Variants in ADAM32 observed in about 807,000 individuals in gnomAD.
ADAM32 encodes ADAM metallopeptidase domain 32.
ADAM32 carries 89 observed loss-of-function variants against 114.9 expected under a neutral mutation model. The ratio of observed to expected loss-of-function variants is 0.77; its 90% CI spans 0.65 to 0.92. ADAM32 has a LOEUF of 0.92. Among genes scored for constraint, ADAM32 ranks in the 40% least tolerant of loss-of-function variants. ADAM32 has a pLI of 0.00. For missense variants in ADAM32, 870 were observed against 932.8 expected, an observed-to-expected ratio of 0.93 and a Z score of 0.88; for synonymous variants, 285 against 307.5, an observed-to-expected ratio of 0.93 and a Z score of 0.77.
chr8:39,204,741 A>G (rs1807704611), intron 11 of ADAM32, among the ~76,000 whole-genome samples: 1 of 152,058 alleles, frequency 6.6e-6, no homozygotes, highest in Non-Finnish European at 1.5e-5. Context: ...GCTCTGTTTT[A>G]TCCCCATCTT....
In ADAM32 at chr8:39,123,579, G is replaced by A. The variant is rs565782122; in HGVS notation, c.138+5414G>A. Among the ~76,000 whole-genome samples, 7 of 152,038 alleles carry A rather than the reference G, an allele frequency of 4.6e-5. No individual in the cohort carries two copies. The East Asian group carries it at 1.4e-3, about 29-fold the overall frequency. Reference sequence around the variant, plus strand: ...TTTTGATAGAGATTACATTTAATATGTATCGATTAATTTGGGAGAATTGCT... The same window carrying A: ...TTTTGATAGAGATTACATTTAATATATATCGATTAATTTGGGAGAATTGCT... On this transcript the variant is annotated intron_variant, in intron 2 of 24. Coordinates refer to ENST00000379907, the MANE Select transcript of ADAM32 (RefSeq NM_145004.7).
chr8:39,127,692 A>G (rs1156736112), intron 2 of ADAM32, among the ~76,000 whole-genome samples: 2 of 151,464 alleles, frequency 1.3e-5, no homozygotes, highest in Middle Eastern at 3.2e-3. Flanking sequence ...TTCTGCCCTG[A>G]TTTTGGTTAT....
At chr8:39,109,483 G>A (rs1588451961) in intron 1 of ADAM32, among the ~76,000 whole-genome samples, 1 of 152,234 alleles carries the variant, frequency 6.6e-6, no homozygotes, top group South Asian at 2.1e-4. Context: ...GGAGGCAGGA[G>A]TTGCAGTGAG....
intron 19 of ADAM32, among the ~76,000 whole-genome samples, chr8:39,258,816 A>G (rs1340849621): frequency 6.6e-6 from 1 of 152,116 alleles, no homozygotes; most frequent in Non-Finnish European, 1.5e-5. Flanking sequence ...TGATTGTTGA[A>G]ATTTTCGCTT....
chr8:39,219,394 A>G (rs528459507), intron 12 of ADAM32, among the ~76,000 whole-genome samples: 25 of 152,178 alleles, frequency 1.6e-4, no homozygotes, highest in Non-Finnish European at 3.2e-4. Flanking sequence ...AGAGTACTCC[A>G]GCCCATGGTG....
Position 39,223,285 on chromosome 8 carries a change from A to G in ADAM32, c.1525+47A>G, listed in dbSNP as rs2129448876. On this transcript the variant is annotated intron_variant, in intron 14 of 24. Transcript: ENST00000379907. ...TCAATAGCCCTTAACATTGTTATTAACATTACCAGGATAATGGGGTATATT... is the reference window on the plus strand; with the variant it reads ...TCAATAGCCCTTAACATTGTTATTAGCATTACCAGGATAATGGGGTATATT... The G allele has an allele frequency of 2.3e-6, 3 of 1,303,208 alleles. No individual in the cohort carries two copies. In the East Asian group the frequency reaches 8.3e-5, roughly 36 times the overall value. The allele number at this position is 1,303,208 out of a possible 1,614,324, so 80.7% of individuals were successfully genotyped here.
chr8:39,254,515 G>T lies in ADAM32; in HGVS notation c.2004G>T (p.Met668Ile). ...KGFSIFPEED[M>I]GSIMERASGK... ...TTTCCATATTTCCTGAGGAAGATAT[G>T]GGCAAGTATTTGTCTCTTTAAATAC... Residue 668 changes from methionine (M) to isoleucine (I), a missense_variant and splice_region_variant, in exon 18 of 25, where the codon ATG becomes ATT. By Grantham distance (10) the Met-to-Ile change is conservative (BLOSUM62 1). Coordinates refer to ENST00000379907, the MANE Select transcript of ADAM32 (RefSeq NM_145004.7). The T allele has an allele frequency of 6.4e-7, 1 of 1,566,360 alleles. No homozygotes were observed. The highest frequency in any genetic ancestry group is 8.7e-7 in the Non-Finnish European group (1 of 1,152,086).
chr8:39,153,830 C>G (rs1463224609), intron 6 of ADAM32, among the ~76,000 whole-genome samples: 1 of 152,044 alleles, frequency 6.6e-6, no homozygotes, highest in African/African-American at 2.4e-5. Context: ...TTTTCACATA[C>G]TTATTTTACA....
In ADAM32 at chr8:39,254,485, A is replaced by C. The variant is rs13277386; in HGVS notation, c.1974A>C (p.Lys658Asn). Residue 658 changes from lysine (K) to asparagine (N), a missense_variant, in exon 18 of 25, where the codon AAA becomes AAC. Physicochemically the swap from Lys to Asn is moderately conservative, Grantham distance 94. Transcript: ENST00000379907. ...YKPPNCQIRS[K>N]GFSIFPEEDM... ...CTCCAAACTGCCAAATACGTTCCAA[A>C]GGATTTTCCATATTTCCTGAGGAAG... The C allele has an allele frequency of 1.1e-5, 17 of 1,593,354 alleles. No homozygotes were observed. The highest frequency in any genetic ancestry group is 1.5e-5 in the Non-Finnish European group (17 of 1,169,010).
intron 11 of ADAM32, among the ~76,000 whole-genome samples, chr8:39,201,390 T>C (rs772073702): frequency 5.9e-5 from 9 of 151,914 alleles, no homozygotes; most frequent in Non-Finnish European, 8.8e-5. Flanking sequence ...TTTGAAGCAA[T>C]TGTGAATGGG....
chr8:39,248,589 T>G (rs1811082032), intron 17 of ADAM32, among the ~76,000 whole-genome samples: 1 of 152,186 alleles, frequency 6.6e-6, no homozygotes, highest in Admixed American at 6.5e-5. Flanking sequence ...GGTTCTTCAA[T>G]TCTTTTTAGA....
At chr8:39,130,725 C>T in intron 2 of ADAM32, 5 of 308,152 alleles carry the variant, frequency 1.6e-5, no homozygotes, top group South Asian at 5.3e-5. Context: ...CTTGTTGATT[C>T]TAATTTAATT....
At chr8:39,267,914 A>G (rs1812470866) in intron 19 of ADAM32, among the ~76,000 whole-genome samples, 1 of 152,222 alleles carries the variant, frequency 6.6e-6, no homozygotes, top group Admixed American at 6.5e-5. Flanking sequence ...GGCTCTATAG[A>G]TAAAGACTGG....
chr8:39,176,558 T>C (rs1805542904), intron 10 of ADAM32, among the ~76,000 whole-genome samples: 1 of 152,220 alleles, frequency 6.6e-6, no homozygotes, highest in Non-Finnish European at 1.5e-5. Flanking sequence ...AGACTGTTTG[T>C]TATGATTACA....
At chr8:39,124,135 T>C (rs1801958696) in intron 2 of ADAM32, among the ~76,000 whole-genome samples, 1 of 152,016 alleles carries the variant, frequency 6.6e-6, no homozygotes, top group South Asian at 2.1e-4. Flanking sequence ...CACCTAGGTA[T>C]AAGCTCAGCA....
chr8:39,108,005 C>G, intron 1 of ADAM32, 172 bp downstream of exon 1: 1 of 865,670 alleles, frequency 1.2e-6, no homozygotes, highest in Non-Finnish European at 1.7e-6. Context: ...GACTCAGGGC[C>G]CAGCACCAGG....
chr8:39,234,752 C>T (rs1809991678), intron 16 of ADAM32, among the ~76,000 whole-genome samples: 1 of 152,204 alleles, frequency 6.6e-6, no homozygotes, highest in Admixed American at 6.5e-5. Context: ...AATTTAACAT[C>T]TCATTTAGAG....
rs749971153 is a variant in ADAM32 at position 39,215,419 on chromosome 8, TATTTC to T, written c.1233+4100_1233+4104del. Among the ~76,000 whole-genome samples the T allele has an allele frequency of 6.0e-4, 91 of 152,054 alleles. 1 individual carries two copies. Among genetic ancestry groups the T allele is most frequent in the Non-Finnish European group, 1.2e-4 (8 of 67,916 alleles). On this transcript the variant is annotated intron_variant, in intron 12 of 24. Coordinates refer to ENST00000379907, the MANE Select transcript of ADAM32 (RefSeq NM_145004.7). ...TGATTAAACTAATTCCTAGACATTT[TATTTC>T]ATTTATAGTTATTGTAAATGGGATT... is the stretch of plus-strand genomic sequence containing the variant.
chr8:39,269,138 G>A (rs566816636), intron 19 of ADAM32, among the ~76,000 whole-genome samples: 25 of 152,298 alleles, frequency 1.6e-4, no homozygotes, highest in African/African-American at 5.8e-4. Context: ...TTTCTGTGGT[G>A]TTCTGCCCTG....
Sources: gnomAD v4.1 joint callset for allele counts (sites outside exome capture counted in the v4.1 genomes callset) on GRCh38, gnomAD v4.1.1 for gene constraint, MANE v1.5 for transcripts, NCBI Gene and HGNC (gene_info 2026-07-23, HGNC 2026-07-21) for gene names.